FAAH2: variants seen among roughly 807,000 people sequenced by gnomAD.
FAAH2 encodes fatty-acid amide hydrolase 2.
In FAAH2, 60 loss-of-function variants were observed where a neutral mutation model predicts 36.9. The observed-to-expected ratio is 1.63, with a 90% CI of 1.32 to 2.02. The LOEUF is 2.02. Among genes scored for constraint, FAAH2 ranks in the 30% most tolerant of loss-of-function variants. The probability of loss-of-function intolerance (pLI) is 0.00; values close to 1 mark genes in which losing one functional copy is unlikely to be tolerated. For synonymous variants in FAAH2, 214 were observed against 143.8 expected, an observed-to-expected ratio of 1.49 and a Z score of -3.49; for missense variants, 689 against 397.5, an observed-to-expected ratio of 1.73 and a Z score of -6.23.
chrX:57,486,359 A>G (rs912811151), intron 10 of FAAH2, among the ~76,000 whole-genome samples: 1 of 111,391 alleles, frequency 9.0e-6, no homozygotes, highest in Non-Finnish European at 1.9e-5. Context: ...GGGTGGGGCC[A>G]GATGCTCTAC....
chrX:57,435,792 G>A (rs1465377556), intron 8 of FAAH2, among the ~76,000 whole-genome samples: 2 of 110,784 alleles, frequency 1.8e-5, no homozygotes, highest in Admixed American at 1.9e-4. Flanking sequence ...TCATTAAGAC[G>A]GGAAATCAAC....
chrX:57,283,180 A>T, upstream of FAAH2, among the ~76,000 whole-genome samples: 1 of 111,937 alleles, frequency 8.9e-6, no homozygotes, highest in Non-Finnish European at 1.9e-5. Flanking sequence ...AGGTGTGGTT[A>T]AAGCACTGTG....
Position 57,286,965 on chromosome X carries a change from C to A in FAAH2, c.140C>A (p.Pro47Gln). The change falls in exon 1 of 11, where the codon CCA (proline) becomes CAA (glutamine). Residue 47 changes from proline to glutamine, a missense_variant. Physicochemically the swap from Pro to Gln is moderately conservative, Grantham distance 76 (BLOSUM62 -1). Coordinates refer to ENST00000374900, the MANE Select transcript of FAAH2 (RefSeq NM_174912.4). Reference protein sequence around the residue: ...ASKTPRPVTEPLLLLSGMQLA... With the variant: ...ASKTPRPVTEQLLLLSGMQLA... ...AAGACCCCTCGGCCGGTGACTGAAC[C>A]ATTGCTTCTGCTTTCGGGGATGCAG... 2 of 1,201,473 alleles carry A rather than the reference C, an allele frequency of 1.7e-6. No homozygotes were observed. Among genetic ancestry groups the A allele is most frequent in the Non-Finnish European group, 1.1e-6 (1 of 890,338 alleles).
At chrX:57,362,661 T>C (rs1216437193) in intron 5 of FAAH2, among the ~76,000 whole-genome samples, 1 of 112,109 alleles carries the variant, frequency 8.9e-6, no homozygotes, top group Admixed American at 9.4e-5. Flanking sequence ...TACTTAGATA[T>C]AAATTTTTTC....
At chrX:57,233,860 G>C in the FAAH2 span, among the ~76,000 whole-genome samples, 2 of 112,439 alleles carry the variant, frequency 1.8e-5, no homozygotes, top group South Asian at 7.3e-4. Flanking sequence ...GGCCAGGCTG[G>C]TCTCTGAATT....
the FAAH2 span, among the ~76,000 whole-genome samples, chrX:57,242,362 G>T: frequency 8.9e-6 from 1 of 112,470 alleles, no homozygotes; most frequent in African/African-American, 3.2e-5. Flanking sequence ...ATGCAGAAAA[G>T]GGGCCTGATT....
the FAAH2 span, among the ~76,000 whole-genome samples, chrX:57,153,186 C>A: frequency 8.9e-6 from 1 of 111,977 alleles, no homozygotes; most frequent in African/African-American, 3.3e-5. Context: ...AATAGCTACA[C>A]CTGCTTGCTT....
At chrX:57,328,279 G>A (rs763018730) in intron 3 of FAAH2, among the ~76,000 whole-genome samples, 1 of 111,614 alleles carries the variant, frequency 9.0e-6, no homozygotes, top group African/African-American at 3.3e-5. Flanking sequence ...TAGGGTACTC[G>A]GGGGTCAGGA....
intron 10 of FAAH2, among the ~76,000 whole-genome samples, chrX:57,483,533 G>T (rs2057417764): frequency 9.0e-6 from 1 of 110,707 alleles, no homozygotes; most frequent in African/African-American, 3.3e-5. Context: ...TTTGGTTAAG[G>T]TCCATTGCTA....
the FAAH2 span, among the ~76,000 whole-genome samples, chrX:57,249,989 T>C: frequency 8.9e-6 from 1 of 111,937 alleles, no homozygotes; most frequent in Non-Finnish European, 1.9e-5. Context: ...TAGTTTAGTG[T>C]CCTAAACTAA....
At chrX:57,302,746 T>A (rs989728724) in intron 2 of FAAH2, among the ~76,000 whole-genome samples, 20 of 111,262 alleles carry the variant, frequency 1.8e-4, no homozygotes, top group African/African-American at 3.9e-4. Flanking sequence ...TAGATTTTTT[T>A]AAAAACCCTC....
At chrX:57,294,159 T>C (rs2052065867) in intron 2 of FAAH2, among the ~76,000 whole-genome samples, 1 of 112,126 alleles carries the variant, frequency 8.9e-6, no homozygotes, top group South Asian at 3.7e-4. Context: ...GTGTTAGCTC[T>C]TTTATTGTTA....
chrX:57,464,868 A>C (rs993763731), intron 10 of FAAH2, among the ~76,000 whole-genome samples: 1 of 111,682 alleles, frequency 9.0e-6, no homozygotes. Context: ...AACAAAAAAA[A>C]CAATGACAAC....
At chrX:57,340,583 C>G (rs927128746) in intron 4 of FAAH2, among the ~76,000 whole-genome samples, 2 of 111,876 alleles carry the variant, frequency 1.8e-5, no homozygotes, top group African/African-American at 6.5e-5. Flanking sequence ...AAATGTGGTA[C>G]AAATACAACA....
the FAAH2 span, among the ~76,000 whole-genome samples, chrX:57,277,814 C>T: frequency 9.0e-6 from 1 of 111,188 alleles, no homozygotes; most frequent in African/African-American, 3.3e-5. Flanking sequence ...GAGTGAACTC[C>T]CATTCACAAT....
chrX:57,264,529 A>T, the FAAH2 span, among the ~76,000 whole-genome samples: 49 of 112,711 alleles, frequency 4.3e-4, no homozygotes, highest in Non-Finnish European at 8.1e-4. Flanking sequence ...AAGTCAAAAA[A>T]TAACAGATGA....
chrX:57,471,900 G>T (rs938215958), intron 10 of FAAH2, among the ~76,000 whole-genome samples: 2 of 111,265 alleles, frequency 1.8e-5, no homozygotes, highest in African/African-American at 6.5e-5. Flanking sequence ...CATAGATACA[G>T]ACCAATGGAA....
At chrX:57,330,896 T>G (rs902709183) in intron 3 of FAAH2, among the ~76,000 whole-genome samples, 2 of 110,028 alleles carry the variant, frequency 1.8e-5, no homozygotes, top group Admixed American at 9.7e-5. Context: ...ACCTGACAGG[T>G]CAGGAATTGT....
In FAAH2 at chrX:57,489,050, G is replaced by T; in HGVS notation, c.*118G>T. On this transcript the variant is annotated 3_prime_UTR_variant, in exon 11 of 11. Coordinates refer to ENST00000374900, the MANE Select transcript of FAAH2 (RefSeq NM_174912.4). ...CAGAGAAACAACTGGGGAATTTATT[G>T]ACTCATTTAGTTATTCTTTCTACTT... 2 of 724,434 alleles carry T rather than the reference G, an allele frequency of 2.8e-6. No homozygotes were observed. The highest frequency in any genetic ancestry group is 2.2e-5 in the African/African-American group (1 of 46,375). The allele number at this position is 724,434 out of a possible 1,213,427, so 59.7% of individuals were successfully genotyped here.
Sources: allele counts gnomAD v4.1 joint callset (sites outside exome capture counted in the v4.1 genomes callset), GRCh38; gene constraint gnomAD v4.1.1; transcripts MANE v1.5; gene names NCBI Gene and HGNC (gene_info 2026-07-23, HGNC 2026-07-21).